ADGRA2: variants seen among roughly 807,000 people sequenced by gnomAD.
ADGRA2 encodes adhesion G protein-coupled receptor A2, also known as G-protein coupled receptor 124.
Under a neutral mutation model 98.7 loss-of-function variants are expected in ADGRA2, and 61 were observed. That is an observed-to-expected ratio of 0.62 (90% CI 0.50 to 0.76). The LOEUF is 0.76. Among genes scored for constraint, ADGRA2 ranks in the 30% least tolerant of loss-of-function variants. The pLI is 0.00. For missense variants in ADGRA2, 1,712 were observed against 1,860.0 expected (o/e 0.92, Z 1.46); for synonymous variants, 858 against 831.5 (o/e 1.03, Z -0.55).
intron 1 of ADGRA2, among the ~76,000 whole-genome samples, chr8:37,812,849 T>TATTC (rs1585974002): frequency 7.3e-6 from 1 of 136,572 alleles, no homozygotes; most frequent in East Asian, 3.0e-4. Flanking sequence ...TTTTTATTTT[T>TATTC]ATTTATTTAT....
Position 37,834,204 on chromosome 8 carries a change from G to C in ADGRA2, c.1608+76G>C. 6 of 1,330,182 alleles carry C rather than the reference G, an allele frequency of 4.5e-6. No homozygotes were observed. The South Asian group carries it at 8.1e-5, about 18-fold the overall frequency. The allele number at this position is 1,330,182 out of a possible 1,614,324, so 82.4% of individuals were successfully genotyped here. A position where few individuals can be genotyped will look rare whatever the true frequency, so the allele number is the denominator to read the frequency against. ...GCTCCCTCTCAGGCGTGCACCTGCC[G>C]TGCCCCAGCTAGCAAGAGCAGCAGA... is the stretch of plus-strand genomic sequence containing the variant. On this transcript the variant is annotated intron_variant, in intron 11 of 18. Coordinates refer to ENST00000412232, the MANE Select transcript of ADGRA2 (RefSeq NM_032777.10). This position sits in a 1 kb window ranked among gnomAD's most constrained non-coding sequence, Gnocchi z 4.2.
chr8:37,812,483 C>T lies in ADGRA2; in HGVS notation c.267-2413C>T, dbSNP rs547723474. On this transcript the variant is annotated intron_variant, in intron 1 of 18. Transcript: ENST00000412232. ...TCCACTAAAAATACAAAAAATTAGC[C>T]GGGCGTGGTGGCGGGCACCTGTAGT... 5.3e-5 allele frequency among the ~76,000 whole-genome samples: 8 copies of T among 152,150 alleles called. No homozygotes were observed. The East Asian group carries it at 9.8e-4, about 19-fold the overall frequency.
In ADGRA2 at chr8:37,841,872, C is replaced by T. The variant is rs771587991; in HGVS notation, c.3534C>T (p.His1178=). ...ACCGCCACCCCAACAACGTGCACCA[C>T]GGGCGTCGGGCGCACAAGAGCCGGG... The part of the protein sequence containing the change: ...LAHRHPNNVH[H]GRRAHKSRAK... The change falls in exon 19 of 19, where the codon CAC becomes CAT. Residue 1178 remains histidine, a synonymous_variant. Coordinates refer to ENST00000412232, the MANE Select transcript of ADGRA2 (RefSeq NM_032777.10). The surrounding 1 kb of genome is among the most constrained non-coding windows in gnomAD (Gnocchi z 5.0). 2.6e-6 allele frequency: 4 copies of T among 1,534,362 alleles called. No homozygotes were observed. The highest frequency in any genetic ancestry group is 3.5e-6 in the Non-Finnish European group (4 of 1,146,678).
Position 37,830,117 on chromosome 8 carries a change from T to C in ADGRA2, c.718+103T>C, listed in dbSNP as rs1805411316. ...CCTCAGACCCACAGGTTTTTACCTT[T>C]GTATTGCAATTTGCAAAAGACCACG... On this transcript the variant is annotated intron_variant, in intron 6 of 18. Transcript: ENST00000412232. The surrounding 1 kb of genome is among the most constrained non-coding windows in gnomAD (Gnocchi z 4.8). 7 of 721,184 alleles carry C rather than the reference T, an allele frequency of 9.7e-6. No homozygotes were observed. Among genetic ancestry groups the C allele is most frequent in the Non-Finnish European group, 1.5e-5 (7 of 462,316 alleles). 44.7% of individuals were successfully genotyped at this position (721,184 alleles called of 1,614,324 possible).
intron 2 of ADGRA2, among the ~76,000 whole-genome samples, chr8:37,828,007 T>C (rs1805329326): frequency 6.6e-6 from 1 of 151,828 alleles, no homozygotes; most frequent in Non-Finnish European, 1.5e-5. Flanking sequence ...GCGGGTGTGG[T>C]GGCGCACACC....
At chr8:37,816,417 ACCCCAC>A (rs572546691) in intron 2 of ADGRA2, among the ~76,000 whole-genome samples, 1 of 151,892 alleles carries the variant, frequency 6.6e-6, no homozygotes, top group South Asian at 2.1e-4. Context: ...ACATGGTAAA[ACCCCAC>A]CTCTACTAAA....
At chr8:37,798,970 T>G (rs1202321653) in intron 1 of ADGRA2, among the ~76,000 whole-genome samples, 1 of 152,028 alleles carries the variant, frequency 6.6e-6, no homozygotes, top group Non-Finnish European at 1.5e-5. Flanking sequence ...TCCGCTGGGG[T>G]TTGAGGGTCC....
In ADGRA2 at chr8:37,797,564, G is replaced by C; in HGVS notation, c.266+30G>C. On this transcript the variant is annotated intron_variant, in intron 1 of 18. Transcript: ENST00000412232. This position sits in a 1 kb window ranked among gnomAD's most constrained non-coding sequence, Gnocchi z 5.3. ...GTACCCTACCAGGCCAGTTCCGTCC[G>C]AGCCGGGACTGGGGACGAAGGGAGG... is the stretch of plus-strand genomic sequence containing the variant. 1 of 1,337,182 alleles carries C rather than the reference G, an allele frequency of 7.5e-7. No homozygotes were observed. 82.8% of individuals were successfully genotyped at this position (1,337,182 alleles called of 1,614,324 possible). A position where few individuals can be genotyped will look rare whatever the true frequency, so the allele number is the denominator to read the frequency against.
intron 12 of ADGRA2, 51 bp downstream of exon 12, chr8:37,835,449 C>T: frequency 1.3e-6 from 2 of 1,536,098 alleles, no homozygotes; most frequent in Non-Finnish European, 9.0e-7. Context: ...CACTCAGATG[C>T]AGGTGCCTGG....
At position 37,828,868 on chromosome 8, in the gene ADGRA2, C is replaced by T; in HGVS notation, c.339-20C>T. 1.3e-6 allele frequency: 2 copies of T among 1,592,060 alleles called. No individual in the cohort carries two copies. Among genetic ancestry groups the T allele is most frequent in the Non-Finnish European group, 1.7e-6 (2 of 1,170,086 alleles). On this transcript the variant is annotated intron_variant, in intron 2 of 18. Coordinates refer to ENST00000412232, the MANE Select transcript of ADGRA2 (RefSeq NM_032777.10). Reference sequence around the variant, plus strand: ...CTCCAGCGGGGAGAGGTGTGAGGGCCTCTGCACTTGCCTCTGCAGGGACCT... The same window carrying T: ...CTCCAGCGGGGAGAGGTGTGAGGGCTTCTGCACTTGCCTCTGCAGGGACCT...
chr8:37,835,811 G>T, intron 13 of ADGRA2, 41 bp downstream of exon 13: 1 of 1,335,118 alleles, frequency 7.5e-7, no homozygotes, highest in Non-Finnish European at 1.1e-6. Flanking sequence ...GGTGCCTCTC[G>T]TGTGTCCGCC....
chr8:37,842,314 T>C lies in ADGRA2; in HGVS notation c.3976T>C (p.Cys1326Arg). 6.5e-7 allele frequency: 1 copy of C among 1,542,344 alleles called. No individual in the cohort carries two copies. The highest frequency in any genetic ancestry group is 2.5e-5 in the East Asian group (1 of 40,792). Residue 1326 changes from cysteine to arginine, a missense_variant, in exon 19 of 19, where the codon TGC becomes CGC. Physicochemically the swap from Cys to Arg is radical, Grantham distance 180 (BLOSUM62 -3). Transcript: ENST00000412232. ...GGGCGCGGAGGTAGCCAGCGGCGGC[T>C]GCATGAAGACCGGACTCTGGAAGAG... is the stretch of plus-strand genomic sequence containing the variant. ...LMGAEVASGG[C>R]MKTGLWKSET...
Position 37,842,573 on chromosome 8 carries a change from C to T in ADGRA2, c.*218C>T, listed in dbSNP as rs1185738861. 6 of 773,734 alleles carry T rather than the reference C, an allele frequency of 7.8e-6. No individual in the cohort carries two copies. Among genetic ancestry groups the T allele is most frequent in the African/African-American group, 3.6e-5 (2 of 54,966 alleles). 47.9% of individuals were successfully genotyped at this position (773,734 alleles called of 1,614,324 possible). On this transcript the variant is annotated 3_prime_UTR_variant, in exon 19 of 19. Transcript: ENST00000412232. ...ACGCATAATACATTTCCGTCCAGCCCGGGGCAGTCTGACTGTCGGTGCCCT... is the reference window on the plus strand; with the variant it reads ...ACGCATAATACATTTCCGTCCAGCCTGGGGCAGTCTGACTGTCGGTGCCCT...
At position 37,797,586 on chromosome 8, in the gene ADGRA2, G is replaced by T; in HGVS notation, c.266+52G>T. The T allele has an allele frequency of 7.7e-7, 1 of 1,298,512 alleles. No homozygotes were observed. 80.4% of individuals were successfully genotyped at this position (1,298,512 alleles called of 1,614,324 possible). ...TCCGAGCCGGGACTGGGGACGAAGG[G>T]AGGCGAGACGGGAGGGGTGGGAGCA... On this transcript the variant is annotated intron_variant, in intron 1 of 18. Coordinates refer to ENST00000412232, the MANE Select transcript of ADGRA2 (RefSeq NM_032777.10). The surrounding 1 kb of genome is among the most constrained non-coding windows in gnomAD (Gnocchi z 5.3).
Position 37,824,489 on chromosome 8 carries a change from A to ATTTT in ADGRA2, c.339-4381_339-4378dup, listed in dbSNP as rs34639785. On this transcript the variant is annotated intron_variant, in intron 2 of 18. Coordinates refer to ENST00000412232, the MANE Select transcript of ADGRA2 (RefSeq NM_032777.10). ...TCTTGATGGTATCCTCTAAGGTGCAATTTTTTTTTTTTTTTTTTTTTGAGA... is the reference window on the plus strand; with the variant it reads ...TCTTGATGGTATCCTCTAAGGTGCAATTTTTTTTTTTTTTTTTTTTTTTTTGAGA... Among the ~76,000 whole-genome samples, 75 of 114,688 alleles carry ATTTT rather than the reference A, an allele frequency of 6.5e-4. 2 individuals carry two copies. The highest frequency in any genetic ancestry group is 1.7e-3 in the African/African-American group (50 of 29,156). 75.2% of individuals were successfully genotyped at this position (114,688 alleles called of 152,430 possible).
chr8:37,839,479 T>C lies in ADGRA2; in HGVS notation c.2388-20T>C, dbSNP rs1805725332. 6.2e-7 allele frequency: 1 copy of C among 1,613,668 alleles called. No individual in the cohort carries two copies. The highest frequency in any genetic ancestry group is 1.1e-5 in the South Asian group (1 of 91,032). On this transcript the variant is annotated intron_variant, in intron 15 of 18. Transcript: ENST00000412232. ...GACCTTGGGTTGGACGGCCATTAAT[T>C]CGAGACTGTTTCCGGGCAGCTCCAT...
In ADGRA2 at chr8:37,840,856, A is replaced by AGGCCCCC; in HGVS notation, c.2747+7_2747+8insGGCCCCC. 2.7e-6 allele frequency: 4 copies of AGGCCCCC among 1,483,348 alleles called. No individual in the cohort carries two copies. Among genetic ancestry groups the AGGCCCCC allele is most frequent in the Non-Finnish European group, 3.7e-6 (4 of 1,067,524 alleles). The allele number at this position is 1,483,348 out of a possible 1,614,324, so 91.9% of individuals were successfully genotyped here. ...ACCGGGACCACAGCCCCTAGTGAGC[A>AGGCCCCC]CCCCTCCCTCCCGCCCCAAGCCTAC... On this transcript the variant is annotated splice_region_variant and intron_variant, in intron 18 of 18. Transcript: ENST00000412232.
chr8:37,811,378 G>GC (rs955543390), intron 1 of ADGRA2, among the ~76,000 whole-genome samples: 4 of 149,396 alleles, frequency 2.7e-5, no homozygotes, highest in Non-Finnish European at 5.9e-5. Context: ...CACCATGTTG[G>GC]CCAGGCTGGT....
At position 37,800,686 on chromosome 8, in the gene ADGRA2, C is replaced by T. The variant is rs188898175; in HGVS notation, c.266+3152C>T. 7.9e-5 allele frequency among the ~76,000 whole-genome samples: 12 copies of T among 152,232 alleles called. No homozygotes were observed. The East Asian group carries it at 2.1e-3, about 27-fold the overall frequency. ...GGTCTTTGAGGTATCGCTCTCTGAG[C>T]CCCTGCATCTGGGAAGGAGGGAGCT... On this transcript the variant is annotated intron_variant, in intron 1 of 18. Coordinates refer to ENST00000412232, the MANE Select transcript of ADGRA2 (RefSeq NM_032777.10).
Sources: gnomAD v4.1 joint callset for allele counts (sites outside exome capture counted in the v4.1 genomes callset) on GRCh38, gnomAD v4.1.1 for gene constraint, Gnocchi (gnomAD v3.1) non-coding constraint, MANE v1.5 for transcripts, NCBI Gene and HGNC (gene_info 2026-07-23, HGNC 2026-07-21) for gene names.